Variants in TRAF3 observed in about 807,000 individuals in gnomAD.
The protein encoded by TRAF3 is TNF receptor-associated factor 3.
Under a neutral mutation model 62.3 loss-of-function variants are expected in TRAF3, and 13 were observed. That is an observed-to-expected ratio of 0.21 (90% CI 0.14 to 0.33). The LOEUF is 0.33. Ranked by LOEUF, TRAF3 falls within the 10% of genes least tolerant of loss-of-function variation. The pLI, the probability that TRAF3 is intolerant of heterozygous loss-of-function variation, is 1.00. For missense variants in TRAF3, 440 were observed against 741.8 expected (o/e 0.59, Z 4.73); for synonymous variants, 269 against 283.4 (o/e 0.95, Z 0.51).
At position 102,801,310 on chromosome 14, in the gene TRAF3, TC is replaced by T. The variant is rs1195763868; in HGVS notation, c.-157+23638del. 5.9e-5 allele frequency among the ~76,000 whole-genome samples: 9 copies of T among 152,064 alleles called. No individual in the cohort carries two copies. The East Asian group carries it at 1.7e-3, about 29-fold the overall frequency. On this transcript the variant is annotated intron_variant, in intron 1 of 11. Transcript: ENST00000392745. ...TTTCTTATGGTTACTGCCTCAGACT[TC>T]CCTGGAGTGTTATATAATATATAAT...
chr14:102,882,435 C>T (rs1566794437), intron 6 of TRAF3, among the ~76,000 whole-genome samples: 1 of 152,134 alleles, frequency 6.6e-6, no homozygotes, highest in Non-Finnish European at 1.5e-5. Flanking sequence ...GTGCATCTGC[C>T]CCTGCCTCTC....
chr14:102,802,812 A>G (rs1387410921), intron 1 of TRAF3, among the ~76,000 whole-genome samples: 1 of 152,098 alleles, frequency 6.6e-6, no homozygotes, highest in Non-Finnish European at 1.5e-5. Context: ...TGGGCAACCG[A>G]GCAAGACTCT....
At chr14:102,896,692 T>C (rs1340953592) in intron 9 of TRAF3, among the ~76,000 whole-genome samples, 1 of 152,196 alleles carries the variant, frequency 6.6e-6, no homozygotes, top group Non-Finnish European at 1.5e-5. Flanking sequence ...TATTCTGAAA[T>C]TCAATCAGCC....
intron 10 of TRAF3, among the ~76,000 whole-genome samples, chr14:102,898,836 T>A (rs1485728738): frequency 6.6e-6 from 1 of 152,242 alleles, no homozygotes; most frequent in Non-Finnish European, 1.5e-5. Context: ...TGAAAACTTT[T>A]GTGATTGGAT....
Position 102,870,312 on chromosome 14 carries a change from A to G in TRAF3, c.111A>G (p.Gly37=), listed in dbSNP as rs1388999330. The change falls in exon 3 of 12, where the codon GGA becomes GGG. Residue 37 remains glycine (G), a synonymous_variant. Coordinates refer to ENST00000392745, the MANE Select transcript of TRAF3 (RefSeq NM_145725.3). ...CGCCAGTTTTTGTCCCTGAACAAGG[A>G]GGTTACAAGGAAAAGTTTGTGAAGA... ...AGTPVFVPEQ[G]GYKEKFVKTV... 23 of 1,614,048 alleles carry G rather than the reference A, an allele frequency of 1.4e-5. No individual in the cohort carries two copies. The highest frequency in any genetic ancestry group is 1.9e-5 in the Non-Finnish European group (22 of 1,180,042).
In TRAF3 at chr14:102,843,279, A is replaced by G. The variant is rs144346565; in HGVS notation, c.-18+12807A>G. Among the ~76,000 whole-genome samples, 524 of 152,126 alleles carry G rather than the reference A, an allele frequency of 3.4e-3. 3 individuals carry two copies. Among genetic ancestry groups the G allele is most frequent in the Non-Finnish European group, 6.1e-3 (415 of 68,004 alleles). ...AATTTATTGCCAGCAGAATGGCACT[A>G]AAGGAGTATTAAAGGAAATTCAGAT... On this transcript the variant is annotated intron_variant, in intron 2 of 11. Coordinates refer to ENST00000392745, the MANE Select transcript of TRAF3 (RefSeq NM_145725.3).
intron 1 of TRAF3, among the ~76,000 whole-genome samples, chr14:102,814,665 C>T (rs1899407897): frequency 6.6e-6 from 1 of 151,954 alleles, no homozygotes; most frequent in Non-Finnish European, 1.5e-5. Context: ...ACTGCAGGCA[C>T]ATGCCACCAC....
At chr14:102,882,562 A>AT (rs1266709056) in intron 6 of TRAF3, among the ~76,000 whole-genome samples, 13 of 109,866 alleles carry the variant, frequency 1.2e-4, no homozygotes, top group South Asian at 5.0e-4. Flanking sequence ...ATTCCCATGT[A>AT]TTTTGTTTTT....
chr14:102,873,762 CT>C (rs61630662), intron 4 of TRAF3, among the ~76,000 whole-genome samples: 9 of 149,530 alleles, frequency 6.0e-5, no homozygotes, highest in Non-Finnish European at 1.0e-4. Flanking sequence ...TCATGACCTT[CT>C]TTTTTTTTTA....
intron 1 of TRAF3, among the ~76,000 whole-genome samples, chr14:102,829,955 C>T (rs1453146380): frequency 6.6e-6 from 1 of 152,082 alleles, no homozygotes; most frequent in Non-Finnish European, 1.5e-5. Flanking sequence ...AATAGCAAGA[C>T]CTCATGTCTA....
intron 2 of TRAF3, among the ~76,000 whole-genome samples, chr14:102,840,238 T>C (rs1886296920): frequency 6.6e-6 from 1 of 152,192 alleles, no homozygotes. Context: ...TTTTTTACTT[T>C]TTAAGACAGG....
At chr14:102,894,529 C>T (rs1175662069) in intron 9 of TRAF3, among the ~76,000 whole-genome samples, 1 of 152,192 alleles carries the variant, frequency 6.6e-6, no homozygotes, top group Non-Finnish European at 1.5e-5. Flanking sequence ...CTCCTTGGAA[C>T]ACACCTGCCA....
At chr14:102,876,260 A>C (rs888354344) in intron 5 of TRAF3, 98 bp from the exon 6 acceptor site, 2 of 1,371,860 alleles carry the variant, frequency 1.5e-6, no homozygotes, top group Admixed American at 1.9e-5. Context: ...CAGATGAGAA[A>C]CATTTCTTTA....
rs1196115327 is a variant in TRAF3, at chr14:102,897,133, AT to A, written c.820-121del. 8 of 890,434 alleles carry A rather than the reference AT, an allele frequency of 9.0e-6. No individual in the cohort carries two copies. The East Asian group carries it at 1.6e-4, about 18-fold the overall frequency. The allele number at this position is 890,434 out of a possible 1,614,324, so 55.2% of individuals were successfully genotyped here. ...GGACTGTCATTTTCTGTGTGAAGGGATTTTTTTCTTCTGAAACTCTGTCAAT... is the reference window on the plus strand; with the variant it reads ...GGACTGTCATTTTCTGTGTGAAGGGATTTTTTCTTCTGAAACTCTGTCAAT... On this transcript the variant is annotated intron_variant, in intron 9 of 11. Coordinates refer to ENST00000392745, the MANE Select transcript of TRAF3 (RefSeq NM_145725.3).
chr14:102,882,388 G>A (rs997580009), intron 6 of TRAF3, among the ~76,000 whole-genome samples: 4 of 152,158 alleles, frequency 2.6e-5, no homozygotes, highest in African/African-American at 9.7e-5. Flanking sequence ...AGGGCCTGCA[G>A]ACATTTCAGC....
chr14:102,834,812 G>A (rs1432809117), intron 2 of TRAF3, among the ~76,000 whole-genome samples: 2 of 151,928 alleles, frequency 1.3e-5, no homozygotes, highest in Middle Eastern at 3.2e-3. Context: ...GACAACCTAG[G>A]CAATACCATT....
intron 6 of TRAF3, among the ~76,000 whole-genome samples, chr14:102,878,555 A>C (rs1888854080): frequency 6.6e-6 from 1 of 152,210 alleles, no homozygotes; most frequent in African/African-American, 2.4e-5. Context: ...GCAGTATTCC[A>C]GGAGCTGGGG....
intron 1 of TRAF3, among the ~76,000 whole-genome samples, chr14:102,782,622 A>T (rs12897316): frequency 0.28 from 42,077 of 151,844 alleles, 6,384 homozygotes; most frequent in Non-Finnish European, 0.35. Flanking sequence ...ATTCTCAAGA[A>T]CTGAAAAATT....
intron 1 of TRAF3, among the ~76,000 whole-genome samples, chr14:102,821,476 C>T (rs1266358583): frequency 1.3e-5 from 2 of 152,148 alleles, no homozygotes; most frequent in African/African-American, 2.4e-5. Flanking sequence ...AGTGGCTTCA[C>T]CCACAGTTTT....
Sources: allele counts gnomAD v4.1 joint callset (sites outside exome capture counted in the v4.1 genomes callset), GRCh38; gene constraint gnomAD v4.1.1; transcripts MANE v1.5; gene names NCBI Gene and HGNC (gene_info 2026-07-23, HGNC 2026-07-21).